TLL2: variants seen among roughly 807,000 people sequenced by gnomAD.
TLL2 encodes the protein tolloid-like protein 2.
Under a neutral mutation model 123.0 loss-of-function variants are expected in TLL2, and 106 were observed. The observed-to-expected ratio is 0.86, with a 90% CI of 0.74 to 1.01. The LOEUF (loss-of-function observed/expected upper bound fraction) is 1.01, where lower values mean the gene tolerates loss of function less well. Ranked by LOEUF, TLL2 falls within the 50% of genes least tolerant of loss-of-function variation. TLL2 has a pLI of 0.00. For missense variants in TLL2, 1,332 were observed against 1,336.7 expected, an observed-to-expected ratio of 1.00 and a Z score of 0.06; for synonymous variants, 494 against 516.8, an observed-to-expected ratio of 0.96 and a Z score of 0.60.
At chr10:96,494,624 T>C (rs1847452812) in intron 1 of TLL2, among the ~76,000 whole-genome samples, 1 of 152,228 alleles carries the variant, frequency 6.6e-6, no homozygotes, top group Non-Finnish European at 1.5e-5. Flanking sequence ...CCCGTGGACC[T>C]AATCACAAAT....
chr10:96,422,694 G>GCCT lies in TLL2; in HGVS notation c.669_671dup (p.Gly224dup). 6.2e-7 allele frequency: 1 copy of GCCT among 1,614,176 alleles called. No homozygotes were observed. The highest frequency in any genetic ancestry group is 8.5e-7 in the Non-Finnish European group (1 of 1,180,026). On this transcript the variant is annotated inframe_insertion, in exon 6 of 21. Transcript: ENST00000357947. ...TCTTCCCAATGGATATGGCCTGTGG[G>GCCT]CCTCCTCCTCGGCGCCCAACATAGG...
At position 96,387,366 on chromosome 10, in the gene TLL2, T is replaced by C. The variant is rs141288670; in HGVS notation, c.1727-288A>G. ...ATTCTTTGAGGTGTTTGGTCATCGG[T>C]CATTTGAGACTTCAAAAAATCTCAA... On this transcript the variant is annotated intron_variant, in intron 13 of 20. Coordinates refer to ENST00000357947, the MANE Select transcript of TLL2 (RefSeq NM_012465.4). Among the ~76,000 whole-genome samples, 14 of 152,318 alleles carry C rather than the reference T, an allele frequency of 9.2e-5. No individual in the cohort carries two copies. The East Asian group carries it at 2.7e-3, about 29-fold the overall frequency.
At chr10:96,438,462 T>A (rs1589422585) in intron 3 of TLL2, among the ~76,000 whole-genome samples, 1 of 152,256 alleles carries the variant, frequency 6.6e-6, no homozygotes, top group East Asian at 1.9e-4. Flanking sequence ...ATTTTATATT[T>A]CCAATATAGA....
intron 2 of TLL2, among the ~76,000 whole-genome samples, chr10:96,467,203 T>C (rs1162614746): frequency 6.6e-6 from 1 of 152,058 alleles, no homozygotes; most frequent in African/African-American, 2.4e-5. Context: ...GGGGGAGGTA[T>C]TTTTTTAGAA....
chr10:96,375,603 G>A (rs1040530976), intron 18 of TLL2, among the ~76,000 whole-genome samples: 5 of 152,206 alleles, frequency 3.3e-5, no homozygotes, highest in Non-Finnish European at 7.3e-5. Flanking sequence ...GCTCTTAGCA[G>A]AGCAGCAGTT....
Position 96,508,623 on chromosome 10 carries a change from C to A in TLL2, c.175+4888G>T, listed in dbSNP as rs181852836. ...TTAATAAACCCAAAATGCTATACAG[C>A]ATTTTCATATCATTTGAGCCTCATG... On this transcript the variant is annotated intron_variant, in intron 1 of 20. Coordinates refer to ENST00000357947, the MANE Select transcript of TLL2 (RefSeq NM_012465.4). Among the ~76,000 whole-genome samples the A allele has an allele frequency of 2.3e-3, 353 of 152,216 alleles. 5 individuals carry two copies. The highest frequency in any genetic ancestry group is 8.2e-3 in the African/African-American group (339 of 41,528).
chr10:96,475,760 G>C (rs1847232842), intron 2 of TLL2, among the ~76,000 whole-genome samples: 1 of 152,148 alleles, frequency 6.6e-6, no homozygotes, highest in Admixed American at 6.5e-5. Flanking sequence ...GGATGGCTCT[G>C]TGTCCCCACC....
At chr10:96,480,587 T>A in intron 1 of TLL2, 128 bp from the exon 2 acceptor site, 1 of 721,978 alleles carries the variant, frequency 1.4e-6, no homozygotes, top group Admixed American at 2.1e-5. Context: ...CAGTAAAATT[T>A]CTCCTTGAGC....
intron 13 of TLL2, among the ~76,000 whole-genome samples, chr10:96,388,424 A>G (rs1413921146): frequency 6.6e-6 from 1 of 152,184 alleles, no homozygotes; most frequent in Non-Finnish European, 1.5e-5. Flanking sequence ...AAAGTTGTTC[A>G]CCAAATCTTG....
Position 96,396,095 on chromosome 10 carries a change from C to T in TLL2, c.1385-75G>A, listed in dbSNP as rs150716759. 3,016 of 1,549,248 alleles carry T rather than the reference C, an allele frequency of 1.9e-3. 11 individuals are homozygous for T. Among genetic ancestry groups the T allele is most frequent in the African/African-American group, 0.011 (832 of 73,564 alleles). On this transcript the variant is annotated intron_variant, in intron 11 of 20. Coordinates refer to ENST00000357947, the MANE Select transcript of TLL2 (RefSeq NM_012465.4). ...TACTTAGGAAGGAAGGTTGGGGAGG[C>T]GGGGGGAACAGCGCTTGCCACCACT...
chr10:96,495,345 T>A (rs1261807554), intron 1 of TLL2, among the ~76,000 whole-genome samples: 4 of 152,142 alleles, frequency 2.6e-5, no homozygotes, highest in Non-Finnish European at 5.9e-5. Context: ...TTTAAAGCAG[T>A]TTTCTGTGAA....
At chr10:96,495,376 G>C (rs1847461556) in intron 1 of TLL2, among the ~76,000 whole-genome samples, 1 of 152,156 alleles carries the variant, frequency 6.6e-6, no homozygotes, top group Middle Eastern at 3.2e-3. Flanking sequence ...GGGAGTGTAT[G>C]TACAAACAAA....
chr10:96,410,542 G>A (rs770652444), intron 8 of TLL2, 68 bp from the exon 9 acceptor site: 36 of 1,285,892 alleles, frequency 2.8e-5, no homozygotes, highest in East Asian at 4.7e-5. Flanking sequence ...GCTCCCGCAC[G>A]GGGCAGCGGA....
At chr10:96,432,195 G>A (rs1246024764) in intron 4 of TLL2, among the ~76,000 whole-genome samples, 1 of 152,112 alleles carries the variant, frequency 6.6e-6, no homozygotes, top group African/African-American at 2.4e-5. Flanking sequence ...CACTCTAAGC[G>A]CTTTATCTAT....
intron 5 of TLL2, among the ~76,000 whole-genome samples, chr10:96,423,766 G>A (rs1846649654): frequency 6.6e-5 from 10 of 152,148 alleles, no homozygotes; most frequent in Admixed American, 6.5e-4. Context: ...ATACTCACTA[G>A]TAAGATATTA....
chr10:96,385,368 C>T (rs757343344), intron 15 of TLL2, among the ~76,000 whole-genome samples: 25 of 152,150 alleles, frequency 1.6e-4, no homozygotes, highest in Non-Finnish European at 2.4e-4. Flanking sequence ...TTATTTTTTT[C>T]TGCACAATAT....
chr10:96,422,001 T>G (rs886741565), intron 6 of TLL2, among the ~76,000 whole-genome samples: 2 of 152,216 alleles, frequency 1.3e-5, no homozygotes, highest in Non-Finnish European at 2.9e-5. Context: ...CTAGCTACTT[T>G]TCATGCTCAA....
chr10:96,511,365 A>G (rs1589440600), intron 1 of TLL2, among the ~76,000 whole-genome samples: 1 of 152,228 alleles, frequency 6.6e-6, no homozygotes, highest in Middle Eastern at 3.4e-3. Context: ...CTGAGATGTT[A>G]CCTTTTCCCC....
In TLL2 at chr10:96,373,472, C is replaced by T. The variant is rs986858852; in HGVS notation, c.2662+124G>A. On this transcript the variant is annotated intron_variant, in intron 19 of 20. Transcript: ENST00000357947. ...TTCATTTTAATAGGACATTTTATCA[C>T]GCACCTTCCTCCCCTCGCCCTCCCC... 1.8e-5 allele frequency: 16 copies of T among 885,520 alleles called. No homozygotes were observed. The African/African-American group carries it at 1.8e-4, about 10-fold the overall frequency. The allele number at this position is 885,520 out of a possible 1,614,324, so 54.9% of individuals were successfully genotyped here.
Sources: allele counts gnomAD v4.1 joint callset (sites outside exome capture counted in the v4.1 genomes callset), GRCh38; gene constraint gnomAD v4.1.1; transcripts MANE v1.5; gene names NCBI Gene and HGNC (gene_info 2026-07-23, HGNC 2026-07-21).